FKBP5: variants seen among roughly 807,000 people sequenced by gnomAD.
FKBP5 encodes the protein peptidyl-prolyl cis-trans isomerase FKBP5.
Under a neutral mutation model 50.5 loss-of-function variants are expected in FKBP5, and 23 were observed. That is an observed-to-expected ratio of 0.46 (90% CI 0.33 to 0.65). FKBP5 has a LOEUF of 0.65. Among genes scored for constraint, FKBP5 ranks in the 30% least tolerant of loss-of-function variants. FKBP5 has a pLI of 0.02. For synonymous variants in FKBP5, 176 were observed against 190.6 expected (o/e 0.92, Z 0.63); for missense variants, 411 against 553.1 (o/e 0.74, Z 2.58).
At chr6:35,665,367 A>T (rs1222687766) in intron 1 of FKBP5, among the ~76,000 whole-genome samples, 1 of 151,070 alleles carries the variant, frequency 6.6e-6, no homozygotes, top group Non-Finnish European at 1.5e-5. Context: ...GGCTCACTGC[A>T]ACCTCCGCCT....
intron 2 of FKBP5, among the ~76,000 whole-genome samples, chr6:35,694,270 C>A (rs1766047669): frequency 1.3e-5 from 2 of 152,308 alleles, no homozygotes; most frequent in East Asian, 1.9e-4. Flanking sequence ...TTCAGCCCCC[C>A]AAGTAACTGG....
At chr6:35,688,089 A>C (rs551185029) in intron 1 of FKBP5, among the ~76,000 whole-genome samples, 2 of 152,348 alleles carry the variant, frequency 1.3e-5, no homozygotes, top group East Asian at 3.9e-4. Context: ...AGTGACGCGG[A>C]TCACCTGTTA....
At chr6:35,724,419 AAAC>A (rs1766664606) in intron 1 of FKBP5, among the ~76,000 whole-genome samples, 1 of 152,188 alleles carries the variant, frequency 6.6e-6, no homozygotes, top group Non-Finnish European at 1.5e-5. Flanking sequence ...AATGGGCTAA[AAAC>A]AATTTTCTAG....
chr6:35,633,020 C>A (rs1664739406), intron 3 of FKBP5, among the ~76,000 whole-genome samples: 3 of 151,950 alleles, frequency 2.0e-5, no homozygotes, highest in South Asian at 4.1e-4. Flanking sequence ...ATATGTTTAT[C>A]TTTTCAATGG....
intron 3 of FKBP5, among the ~76,000 whole-genome samples, chr6:35,623,743 T>TTTC (rs748474328): frequency 4.6e-5 from 7 of 151,806 alleles, no homozygotes; most frequent in Middle Eastern, 3.4e-3. Flanking sequence ...CTAATTTTCT[T>TTTC]TTCTTCTTCT....
intron 7 of FKBP5, among the ~76,000 whole-genome samples, chr6:35,589,803 C>T (rs1329758886): frequency 6.6e-6 from 1 of 152,158 alleles, no homozygotes; most frequent in African/African-American, 2.4e-5. Context: ...TACATGACAA[C>T]AATCAGTGGT....
At chr6:35,649,239 A>G (rs1384689458) in intron 1 of FKBP5, among the ~76,000 whole-genome samples, 1 of 143,954 alleles carries the variant, frequency 6.9e-6, no homozygotes, top group Non-Finnish European at 1.5e-5. Flanking sequence ...CGACAGAGCA[A>G]GACTCTGTCT....
At chr6:35,645,818 G>C (rs954070395) in intron 1 of FKBP5, among the ~76,000 whole-genome samples, 2 of 152,170 alleles carry the variant, frequency 1.3e-5, no homozygotes, top group African/African-American at 2.4e-5. Context: ...TACTGTCAAT[G>C]AAGAAATGTT....
chr6:35,601,974 C>T lies in FKBP5; in HGVS notation c.509-4570G>A, dbSNP rs891258075. Among the ~76,000 whole-genome samples the T allele has an allele frequency of 3.3e-5, 5 of 152,284 alleles. No homozygotes were observed. The East Asian group carries it at 9.6e-4, about 29-fold the overall frequency. On this transcript the variant is annotated intron_variant, in intron 5 of 10. Transcript: ENST00000357266. ...AAACCAAATTACCCAAGCTTAGCTG[C>T]GCAATCGGAGTGTAACCACATCAAG...
At chr6:35,692,790 CAAAAAAAAA>C (rs71002588), upstream of FKBP5, among the ~76,000 whole-genome samples, 1 of 105,638 alleles carries the variant, frequency 9.5e-6, no homozygotes, top group Non-Finnish European at 1.9e-5. Flanking sequence ...GACTCTGTCT[CAAAAAAAAA>C]AAAAAAAAAG....
intron 6 of FKBP5, among the ~76,000 whole-genome samples, chr6:35,592,244 A>G (rs1762843779): frequency 6.6e-6 from 1 of 152,222 alleles, no homozygotes; most frequent in Non-Finnish European, 1.5e-5. Flanking sequence ...ACTTAATCTA[A>G]TACCTCCAGT....
rs928130563 is a variant in FKBP5, at chr6:35,586,870, G to A, written c.840+164C>T. ...TACTTTTTTTTTTTTCCACATGATT[G>A]TTTTCTCACCATTTTTCATATTGAA... On this transcript the variant is annotated intron_variant, in intron 8 of 10. Transcript: ENST00000357266. The A allele has an allele frequency of 2.1e-6, 3 of 1,448,472 alleles. No individual in the cohort carries two copies. The African/African-American group carries it at 4.3e-5, about 21-fold the overall frequency. The allele number at this position is 1,448,472 out of a possible 1,614,324, so 89.7% of individuals were successfully genotyped here.
chr6:35,688,070 T>C (rs979599356), intron 1 of FKBP5, among the ~76,000 whole-genome samples: 1 of 152,256 alleles, frequency 6.6e-6, no homozygotes, highest in African/African-American at 2.4e-5. Flanking sequence ...CGCTTCGGTA[T>C]GGCCTGGGAG....
At chr6:35,671,889 G>A (rs1328458936) in intron 1 of FKBP5, among the ~76,000 whole-genome samples, 1 of 149,790 alleles carries the variant, frequency 6.7e-6, no homozygotes, top group Non-Finnish European at 1.5e-5. Context: ...TTTTTTTTGA[G>A]ACGGAGTCTC....
intron 6 of FKBP5, among the ~76,000 whole-genome samples, chr6:35,596,948 CAT>C (rs1465011217): frequency 6.6e-6 from 1 of 152,158 alleles, no homozygotes; most frequent in Non-Finnish European, 1.5e-5. Flanking sequence ...AAGAGAACCA[CAT>C]ATGAGAGGGG....
chr6:35,666,071 C>A (rs1765205492), intron 1 of FKBP5, among the ~76,000 whole-genome samples: 1 of 151,948 alleles, frequency 6.6e-6, no homozygotes, highest in Non-Finnish European at 1.5e-5. Context: ...GGAGGTAAAA[C>A]CACCATAAGC....
chr6:35,579,620 A>AAG (rs2150950977), intron 9 of FKBP5, among the ~76,000 whole-genome samples: 1 of 152,334 alleles, frequency 6.6e-6, no homozygotes, highest in East Asian at 1.9e-4. Context: ...AATGATTATA[A>AAG]TAAAAATTGA....
chr6:35,719,846 T>C (rs1766578540), intron 2 of FKBP5, among the ~76,000 whole-genome samples: 1 of 152,172 alleles, frequency 6.6e-6, no homozygotes, highest in Non-Finnish European at 1.5e-5. Context: ...AAACACACCA[T>C]TTCCCCTTTC....
intron 2 of FKBP5, among the ~76,000 whole-genome samples, chr6:35,711,781 A>G (rs1766418640): frequency 6.6e-6 from 1 of 152,254 alleles, no homozygotes; most frequent in Non-Finnish European, 1.5e-5. Context: ...GGTGCATTTT[A>G]TCATAAGTAA....
Sources: gnomAD v4.1 joint callset for allele counts (sites outside exome capture counted in the v4.1 genomes callset) on GRCh38, gnomAD v4.1.1 for gene constraint, MANE v1.5 for transcripts, NCBI Gene and HGNC (gene_info 2026-07-23, HGNC 2026-07-21) for gene names.